The following DNASE1 variants were observed in gnomAD, a reference collection of about 807,000 sequenced individuals.
DNASE1 encodes the protein deoxyribonuclease 1, also known as deoxyribonuclease-1.
Under a neutral mutation model 33.9 loss-of-function variants are expected in DNASE1, and 40 were observed. The ratio of observed to expected loss-of-function variants is 1.18; its 90% CI spans 0.92 to 1.54. The LOEUF is 1.54. Ranked by LOEUF, DNASE1 falls within the 40% of genes most tolerant of loss-of-function variation. DNASE1 has a pLI of 0.00. For synonymous variants in DNASE1, 216 were observed against 160.0 expected, an observed-to-expected ratio of 1.35 and a Z score of -2.64; for missense variants, 518 against 372.6, an observed-to-expected ratio of 1.39 and a Z score of -3.21.
downstream of DNASE1, chr16:3,662,332 C>G (rs2043130301): frequency 5.9e-6 from 4 of 674,826 alleles, no homozygotes; most frequent in Admixed American, 1.2e-4. Context: ...AGATACTGTG[C>G]CCGAGGGGCT....
chr16:3,640,249 A>C (rs1022461267), upstream of DNASE1, among the ~76,000 whole-genome samples: 1 of 152,080 alleles, frequency 6.6e-6, no homozygotes, highest in Non-Finnish European at 1.5e-5. Context: ...CCAGGCACAG[A>C]TCTGTTTTCA....
chr16:3,624,571 C>T (rs1438573020), intron 1 of DNASE1, among the ~76,000 whole-genome samples: 2 of 152,212 alleles, frequency 1.3e-5, no homozygotes, highest in Non-Finnish European at 2.9e-5. Flanking sequence ...TGGAGCAGTC[C>T]AACTGGGTGG....
At chr16:3,658,710 G>A (rs2042876255), downstream of DNASE1, 2 of 1,306,684 alleles carry the variant, frequency 1.5e-6, no homozygotes, top group South Asian at 2.6e-5. Context: ...GGATTTTAGA[G>A]GAAACCGCTG....
chr16:3,659,763 A>AGAT (rs1414289560), downstream of DNASE1: 1 of 151,028 alleles, frequency 6.6e-6, no homozygotes, highest in Non-Finnish European at 1.5e-5. Flanking sequence ...ATAGATAGAT[A>AGAT]GATAGATAGA....
intron 1 of DNASE1, among the ~76,000 whole-genome samples, chr16:3,628,973 A>G (rs1434534325): frequency 2.0e-5 from 3 of 148,956 alleles, no homozygotes; most frequent in Non-Finnish European, 4.5e-5. Flanking sequence ...GGAGTTTGAG[A>G]CTAGCCTGGC....
chr16:3,618,406 G>A (rs755762523), intron 1 of DNASE1, among the ~76,000 whole-genome samples: 8 of 152,142 alleles, frequency 5.3e-5, no homozygotes, highest in South Asian at 2.1e-4. Flanking sequence ...CAGCAATTCC[G>A]CTTCTAAGGA....
chr16:3,663,452 C>T (rs1460797917), exon 10 of DNASE1: 2 of 1,614,070 alleles, frequency 1.2e-6, no homozygotes, highest in Non-Finnish European at 8.5e-7. Flanking sequence ...ACTTCTCCTC[C>T]TTGTAGTGAT....
At chr16:3,658,418 C>CCAA, downstream of DNASE1, 1 of 610,356 alleles carries the variant, frequency 1.6e-6, no homozygotes, top group Non-Finnish European at 2.9e-6. Flanking sequence ...CCACGCCTGG[C>CCAA]CATTTTTCCG....
chr16:3,629,965 C>T (rs1255150600), intron 1 of DNASE1, among the ~76,000 whole-genome samples: 1 of 152,164 alleles, frequency 6.6e-6, no homozygotes, highest in Non-Finnish European at 1.5e-5. Flanking sequence ...AGGCACCCGC[C>T]ACCATGCGCG....
chr16:3,663,655 A>C, exon 10 of DNASE1: 1 of 1,542,586 alleles, frequency 6.5e-7, no homozygotes, highest in South Asian at 1.2e-5. Flanking sequence ...TGGGGGAGCC[A>C]AGCGGGCCAC....
intron 1 of DNASE1, among the ~76,000 whole-genome samples, chr16:3,644,921 G>A (rs1188215247): frequency 6.6e-6 from 1 of 151,556 alleles, no homozygotes; most frequent in Non-Finnish European, 1.5e-5. Flanking sequence ...TTGGGCTTAG[G>A]AGTTCGAGAC....
upstream of DNASE1, chr16:3,640,597 T>G: frequency 1.5e-5 from 6 of 396,740 alleles, no homozygotes; most frequent in Admixed American, 4.4e-5. Flanking sequence ...GCATCCTACA[T>G]GAGTATATAA....
chr16:3,657,433 G>C (rs892060386), intron 7 of DNASE1, 92 bp downstream of exon 7: 1 of 1,516,094 alleles, frequency 6.6e-7, no homozygotes, highest in African/African-American at 1.4e-5. Flanking sequence ...CAAAGCCTTT[G>C]AACACTCACC....
rs1243752505 is a variant in DNASE1, at chr16:3,622,825, A to G, written c.-1359+10819A>G. On this transcript the variant is annotated intron_variant and NMD_transcript_variant, in intron 1 of 11. Coordinates refer to the DNASE1 transcript ENST00000570769. ...TTTGTAGTAAAATAACTTTTCTTGT[A>G]TGCACATACCTTCTTCCAGTGTTTG... Among the ~76,000 whole-genome samples, 6 of 152,140 alleles carry G rather than the reference A, an allele frequency of 3.9e-5. No homozygotes were observed. The South Asian group carries it at 8.3e-4, about 21-fold the overall frequency.
At chr16:3,655,147 G>A (rs913724458) in intron 1 of DNASE1, 103 bp downstream of exon 1, 5 of 615,624 alleles carry the variant, frequency 8.1e-6, no homozygotes, top group South Asian at 4.0e-5. Flanking sequence ...AGGCTCCAGC[G>A]TCCCTCCCGG....
chr16:3,641,499 C>T (rs545887293), upstream of DNASE1, among the ~76,000 whole-genome samples: 47 of 152,308 alleles, frequency 3.1e-4, no homozygotes, highest in Non-Finnish European at 3.7e-4. Context: ...GGGACAGCAT[C>T]TTCCACCGAC....
chr16:3,624,809 T>C (rs892821601), intron 1 of DNASE1, among the ~76,000 whole-genome samples: 2 of 152,198 alleles, frequency 1.3e-5, no homozygotes, highest in East Asian at 1.9e-4. Context: ...GCCTGTATTC[T>C]ATTTCTGTAG....
Position 3,655,354 on chromosome 16 carries a change from G to A in DNASE1, c.-1-19G>A. ...GACGTCTCACTTCTGTTATGTCTCT[G>A]TGCCCTGTGCTCTCCCAGGATGAGG... On this transcript the variant is annotated intron_variant, in intron 1 of 8. Coordinates refer to ENST00000246949, the MANE Select transcript of DNASE1 (RefSeq NM_005223.4). 6.2e-7 allele frequency: 1 copy of A among 1,613,922 alleles called. No homozygotes were observed. The highest frequency in any genetic ancestry group is 8.5e-7 in the Non-Finnish European group (1 of 1,180,010).
At chr16:3,629,601 A>C (rs9933840) in intron 1 of DNASE1, among the ~76,000 whole-genome samples, 1,534 of 152,316 alleles carry the variant, frequency 0.01, 25 homozygotes, top group African/African-American at 0.035. Context: ...AGAATGATTT[A>C]GGAAGTATTT....
Sources: allele counts gnomAD v4.1 joint callset (sites outside exome capture counted in the v4.1 genomes callset), GRCh38; gene constraint gnomAD v4.1.1; transcripts MANE v1.5; gene names NCBI Gene and HGNC (gene_info 2026-07-23, HGNC 2026-07-21).